ACER3: variants seen among roughly 807,000 people sequenced by gnomAD.
The protein encoded by ACER3 is alkaline ceramidase 3.
In ACER3, 16 loss-of-function variants were observed where a neutral mutation model predicts 48.9. That is an observed-to-expected ratio of 0.33 (90% CI 0.22 to 0.50). The LOEUF (loss-of-function observed/expected upper bound fraction) is 0.50. ACER3 is among the 20% of genes least tolerant of loss of function. The pLI is 0.98. For missense variants in ACER3, 227 were observed against 326.0 expected (o/e 0.70, Z 2.34); for synonymous variants, 109 against 107.8 (o/e 1.01, Z -0.07).
intron 6 of ACER3, among the ~76,000 whole-genome samples, chr11:76,996,482 G>A (rs1458013806): frequency 1.3e-5 from 2 of 151,268 alleles, no homozygotes; most frequent in Admixed American, 6.6e-5. Context: ...GCAATAGCAC[G>A]ATCTTGGCTC....
intron 1 of ACER3, among the ~76,000 whole-genome samples, chr11:76,876,394 C>T (rs566580555): frequency 6.6e-6 from 1 of 152,004 alleles, no homozygotes; most frequent in Admixed American, 6.6e-5. Flanking sequence ...TGAGATTCAT[C>T]CATATTGCTA....
intron 4 of ACER3, among the ~76,000 whole-genome samples, chr11:76,977,322 T>G (rs1948468495): frequency 6.6e-6 from 1 of 152,198 alleles, no homozygotes; most frequent in Non-Finnish European, 1.5e-5. Flanking sequence ...ATAGGCTGCC[T>G]GGGTATGTGG....
At chr11:76,958,137 A>T (rs556702339) in intron 2 of ACER3, among the ~76,000 whole-genome samples, 1 of 151,420 alleles carries the variant, frequency 6.6e-6, no homozygotes, top group South Asian at 2.1e-4. Flanking sequence ...CCCAGTCTGT[A>T]ACAGATATCC....
At chr11:76,954,174 C>G (rs764603497) in intron 2 of ACER3, among the ~76,000 whole-genome samples, 6 of 151,946 alleles carry the variant, frequency 3.9e-5, no homozygotes, top group African/African-American at 1.5e-4. Flanking sequence ...CTCGAACTCC[C>G]GACCTCAGGT....
chr11:76,994,145 T>G (rs1948863699), intron 6 of ACER3: 1 of 451,748 alleles, frequency 2.2e-6, no homozygotes, highest in African/African-American at 2.0e-5. Context: ...TCTTTTTTTT[T>G]TTTTGATAAG....
At chr11:76,861,318 C>T (rs1251731746) in intron 1 of ACER3, among the ~76,000 whole-genome samples, 1 of 136,654 alleles carries the variant, frequency 7.3e-6, no homozygotes, top group East Asian at 2.1e-4. Context: ...ATTGGGGGGG[C>T]AGAAGAGCAG....
chr11:77,019,500 A>G (rs782503794), intron 9 of ACER3: 56 of 539,512 alleles, frequency 1.0e-4, no homozygotes, highest in Non-Finnish European at 1.8e-4. Flanking sequence ...CTTGTGCTCT[A>G]TAAAATGGAA....
At chr11:76,862,321 A>G (rs971622951) in intron 1 of ACER3, among the ~76,000 whole-genome samples, 3 of 151,814 alleles carry the variant, frequency 2.0e-5, no homozygotes, top group African/African-American at 7.3e-5. Context: ...TGCAGTTTTC[A>G]GGACTTTAGT....
chr11:76,901,361 A>G (rs372067134), intron 1 of ACER3, among the ~76,000 whole-genome samples: 10 of 152,234 alleles, frequency 6.6e-5, no homozygotes, highest in African/African-American at 2.2e-4. Flanking sequence ...AATCTAGAAA[A>G]AGCGTTCTTG....
chr11:76,991,939 C>A (rs1230632726), intron 6 of ACER3, among the ~76,000 whole-genome samples: 2 of 150,986 alleles, frequency 1.3e-5, no homozygotes, highest in Non-Finnish European at 3.0e-5. Flanking sequence ...GTATAAAAAA[C>A]AAAGTTGGCC....
rs1450300131 is a variant in ACER3, at chr11:76,883,274, T to C, written c.103+22195T>C. On this transcript the variant is annotated intron_variant, in intron 1 of 10. Coordinates refer to ENST00000532485, the MANE Select transcript of ACER3 (RefSeq NM_018367.7). The stretch of plus-strand genomic sequence containing the variant: ...TATTAGGGCCTTATTTTGTCATTGC[T>C]AGAAGCAGAAGTTTATATGGACCTT... Among the ~76,000 whole-genome samples the C allele has an allele frequency of 2.0e-5, 3 of 152,172 alleles. No homozygotes were observed. In the East Asian group the frequency reaches 5.8e-4, roughly 29 times the overall value.
At chr11:76,884,885 T>A (rs558795565) in intron 1 of ACER3, among the ~76,000 whole-genome samples, 2 of 152,254 alleles carry the variant, frequency 1.3e-5, no homozygotes, top group East Asian at 3.9e-4. Context: ...CACCTCAGCC[T>A]CTGGGATAGC....
intron 1 of ACER3, among the ~76,000 whole-genome samples, chr11:76,870,092 G>A (rs1945204186): frequency 6.6e-6 from 1 of 151,848 alleles, no homozygotes; most frequent in Admixed American, 6.6e-5. Flanking sequence ...AACCTCCTGG[G>A]CTCAAGTGAT....
At chr11:76,989,000 CTAACACA>C (rs1205423784) in intron 5 of ACER3, among the ~76,000 whole-genome samples, 1 of 150,112 alleles carries the variant, frequency 6.7e-6, no homozygotes, top group Non-Finnish European at 1.5e-5. Context: ...AAATTAATAC[CTAACACA>C]TAGGAAGGAC....
At chr11:76,963,297 C>T (rs1027590250) in intron 3 of ACER3, among the ~76,000 whole-genome samples, 1 of 124,096 alleles carries the variant, frequency 8.1e-6, no homozygotes, top group Non-Finnish European at 1.9e-5. Context: ...CCCACAACTA[C>T]ATAAAGGGAA....
At chr11:76,896,204 A>T (rs1214996700) in intron 1 of ACER3, among the ~76,000 whole-genome samples, 2 of 152,350 alleles carry the variant, frequency 1.3e-5, no homozygotes, top group East Asian at 1.9e-4. Flanking sequence ...CTGAAAAGGG[A>T]TTATTTCAAC....
chr11:76,994,207 T>C (rs1357400988), intron 6 of ACER3: 4 of 453,658 alleles, frequency 8.8e-6, no homozygotes, highest in South Asian at 1.6e-5. Flanking sequence ...TCTCGGCTCA[T>C]TGGAACCTCC....
intron 3 of ACER3, among the ~76,000 whole-genome samples, chr11:76,967,865 C>T (rs1948181091): frequency 6.6e-6 from 1 of 152,064 alleles, no homozygotes. Context: ...GGAAGCATTC[C>T]CTTTGAAAAC....
At chr11:76,967,695 T>G (rs1056021536) in intron 3 of ACER3, among the ~76,000 whole-genome samples, 1 of 152,192 alleles carries the variant, frequency 6.6e-6, no homozygotes, top group African/African-American at 2.4e-5. Context: ...AAAAACCACA[T>G]GGTTATCACA....
Sources: gnomAD v4.1 joint callset for allele counts (sites outside exome capture counted in the v4.1 genomes callset) on GRCh38, gnomAD v4.1.1 for gene constraint, MANE v1.5 for transcripts, NCBI Gene and HGNC (gene_info 2026-07-23, HGNC 2026-07-21) for gene names.